TSHZ2: variants seen among roughly 807,000 people sequenced by gnomAD.
The protein encoded by TSHZ2 is teashirt zinc finger homeobox 2.
In TSHZ2, 21 loss-of-function variants were observed where a neutral mutation model predicts 74.4. The observed-to-expected ratio is 0.28, with a 90% CI of 0.20 to 0.41. TSHZ2 has a LOEUF of 0.41. Ranked by LOEUF, TSHZ2 falls within the 10% of genes least tolerant of loss-of-function variation. The pLI is 1.00. For synonymous variants in TSHZ2, 540 were observed against 515.3 expected (o/e 1.05, Z -0.65); for missense variants, 1,244 against 1,293.5 (o/e 0.96, Z 0.59).
chr20:53,253,756 G>C lies in TSHZ2; in HGVS notation c.298G>C (p.Gly100Arg), dbSNP rs45448297. 6.2e-7 allele frequency: 1 copy of C among 1,614,138 alleles called. No individual in the cohort carries two copies. Among genetic ancestry groups the C allele is most frequent in the South Asian group, 1.1e-5 (1 of 91,076 alleles). The change falls in exon 2 of 3, where the codon GGC becomes CGC. Residue 100 changes from glycine to arginine, a missense_variant. Gly to Arg is a moderately radical substitution (Grantham distance 125). Transcript: ENST00000371497. ...GGTGTCGGACATCAAGAGTGTCTGCGGCAGAGATGCCTCAGACAAGAAAGC... is the reference window on the plus strand; with the variant it reads ...GGTGTCGGACATCAAGAGTGTCTGCCGCAGAGATGCCTCAGACAAGAAAGC... ...DQVSDIKSVC[G>R]RDASDKKAHT...
intron 2 of TSHZ2, among the ~76,000 whole-genome samples, chr20:53,349,861 G>A (rs1164561166): frequency 6.6e-6 from 1 of 152,190 alleles, no homozygotes; most frequent in Non-Finnish European, 1.5e-5. Flanking sequence ...TTCAGTTCCA[G>A]AAGTCAGAAG....
chr20:53,229,016 C>A (rs1048539268), intron 1 of TSHZ2, among the ~76,000 whole-genome samples: 3 of 152,170 alleles, frequency 2.0e-5, no homozygotes, highest in Admixed American at 6.5e-5. Flanking sequence ...GACCCATACT[C>A]GGGAGTCAAC....
At chr20:53,441,225 A>G (rs56031072) in intron 2 of TSHZ2, among the ~76,000 whole-genome samples, 1 of 29,940 alleles carries the variant, frequency 3.3e-5, no homozygotes, top group East Asian at 7.8e-4. Context: ...TTATTTGTTT[A>G]TTTTATTTTA....
chr20:53,065,196 G>A (rs1299226082), intron 1 of TSHZ2, among the ~76,000 whole-genome samples: 1 of 152,204 alleles, frequency 6.6e-6, no homozygotes, highest in African/African-American at 2.4e-5. Flanking sequence ...AATGCGTGAA[G>A]AGCTGTTGGC....
intron 2 of TSHZ2, among the ~76,000 whole-genome samples, chr20:53,475,767 C>A (rs1985973131): frequency 7.1e-6 from 1 of 140,236 alleles, no homozygotes; most frequent in African/African-American, 2.8e-5. Context: ...ACTAGCAAGA[C>A]TAATAAAGAA....
rs1600771647 is a variant in TSHZ2, at chr20:53,255,807, T to C, written c.2349T>C (p.Cys783=). 3 of 1,613,668 alleles carry C rather than the reference T, an allele frequency of 1.9e-6. No individual in the cohort carries two copies. In the South Asian group the frequency reaches 3.3e-5, roughly 18 times the overall value. ...KKAESSQAQS[C]MSPPQKHALS... ...CCGAGTCCTCGCAAGCACAATCTTG[T>C]ATGTCCCCACCTCAGAAGCACGCTC... The change falls in exon 2 of 3, where the codon TGT becomes TGC. Residue 783 remains cysteine, a synonymous_variant. Transcript: ENST00000371497. The surrounding 1 kb of genome is among the most constrained non-coding windows in gnomAD (Gnocchi z 4.1).
rs34209903 is a variant in TSHZ2, at chr20:53,135,035, C to CACACAT, written c.41-118463_41-118462insCACATA. On this transcript the variant is annotated intron_variant, in intron 1 of 2. Transcript: ENST00000371497. ...ACACACACACACACACACACACACA[C>CACACAT]AAGGGTTGTGGCACTGCCTTTTTAT... 6.7e-5 allele frequency among the ~76,000 whole-genome samples: 10 copies of CACACAT among 149,996 alleles called. No homozygotes were observed. The South Asian group carries it at 1.5e-3, about 22-fold the overall frequency.
chr20:53,288,607 A>G (rs774001939), intron 2 of TSHZ2, among the ~76,000 whole-genome samples: 2 of 152,098 alleles, frequency 1.3e-5, no homozygotes, highest in Non-Finnish European at 2.9e-5. Flanking sequence ...TTAGGTGCCT[A>G]CCATTGCCAG....
At chr20:53,375,441 C>A (rs1273785864) in intron 2 of TSHZ2, among the ~76,000 whole-genome samples, 2 of 152,150 alleles carry the variant, frequency 1.3e-5, no homozygotes, top group Non-Finnish European at 2.9e-5. Context: ...GGTACTTATT[C>A]CCCAAATGAA....
intron 1 of TSHZ2, among the ~76,000 whole-genome samples, chr20:53,194,774 G>A (rs190289162): frequency 8.5e-5 from 13 of 152,176 alleles, no homozygotes; most frequent in South Asian, 4.1e-4. Context: ...ACTCGCTCCC[G>A]GTGACTTGAG....
chr20:53,350,704 A>G (rs1391862590), intron 2 of TSHZ2, among the ~76,000 whole-genome samples: 2 of 152,218 alleles, frequency 1.3e-5, no homozygotes, highest in Admixed American at 6.5e-5. Context: ...CAGGATTGAT[A>G]TTGAGAGCTT....
At chr20:53,317,232 C>A (rs1394495193) in intron 2 of TSHZ2, among the ~76,000 whole-genome samples, 1 of 152,186 alleles carries the variant, frequency 6.6e-6, no homozygotes, top group African/African-American at 2.4e-5. Context: ...ACTCCCTAGT[C>A]TTGGGCAAAA....
At chr20:53,422,402 T>A (rs543358054) in intron 2 of TSHZ2, among the ~76,000 whole-genome samples, 1 of 152,118 alleles carries the variant, frequency 6.6e-6, no homozygotes, top group Non-Finnish European at 1.5e-5. Flanking sequence ...ATGATTCTTA[T>A]CAGATCCATG....
intron 2 of TSHZ2, among the ~76,000 whole-genome samples, chr20:53,420,508 C>T (rs945661418): frequency 2.0e-5 from 3 of 152,106 alleles, no homozygotes; most frequent in South Asian, 4.1e-4. Flanking sequence ...GGGCAGATCA[C>T]GAGGCCAGGA....
At chr20:52,980,464 T>C (rs1981522522) in intron 1 of TSHZ2, among the ~76,000 whole-genome samples, 1 of 152,058 alleles carries the variant, frequency 6.6e-6, no homozygotes, top group African/African-American at 2.4e-5. Context: ...CAGTTTCTGT[T>C]AGTATAAAAA....
chr20:53,182,854 C>A (rs1283187825), intron 1 of TSHZ2, among the ~76,000 whole-genome samples: 1 of 152,074 alleles, frequency 6.6e-6, no homozygotes, highest in Non-Finnish European at 1.5e-5. Context: ...TCTAATAACC[C>A]CAAATTTAGA....
chr20:53,036,306 C>T (rs917616728), intron 1 of TSHZ2, among the ~76,000 whole-genome samples: 14 of 152,134 alleles, frequency 9.2e-5, no homozygotes, highest in African/African-American at 3.1e-4. Flanking sequence ...GTGCAAGACA[C>T]TGTGATCCGA....
chr20:53,137,632 C>CA (rs1987279764), intron 1 of TSHZ2, among the ~76,000 whole-genome samples: 1 of 152,174 alleles, frequency 6.6e-6, no homozygotes, highest in Admixed American at 6.5e-5. Context: ...TCTTCACCCC[C>CA]ACGGCTGCTG....
intron 1 of TSHZ2, among the ~76,000 whole-genome samples, chr20:53,111,956 C>A (rs867019035): frequency 2.0e-5 from 3 of 152,170 alleles, no homozygotes; most frequent in East Asian, 3.9e-4. Context: ...GTGCTGCCAC[C>A]GCCTTGCCCC....
Sources: allele counts gnomAD v4.1 joint callset (sites outside exome capture counted in the v4.1 genomes callset), GRCh38; gene constraint gnomAD v4.1.1; non-coding constraint Gnocchi (gnomAD v3.1); transcripts MANE v1.5; gene names NCBI Gene and HGNC (gene_info 2026-07-23, HGNC 2026-07-21).